Variants in SLIT3 observed in about 807,000 individuals in gnomAD.
SLIT3 encodes the protein slit guidance ligand 3, also known as slit homolog 3 protein.
SLIT3 carries 68 observed loss-of-function variants against 184.0 expected under a neutral mutation model. That is an observed-to-expected ratio of 0.37 (90% confidence interval 0.30 to 0.45). SLIT3 has a LOEUF of 0.45. SLIT3 is among the 20% of genes least tolerant of loss of function. The pLI, the probability that SLIT3 is intolerant of heterozygous loss-of-function variation, is 1.00. For synonymous variants in SLIT3, 831 were observed against 828.6 expected (o/e 1.00, Z -0.05); for missense variants, 1,707 against 2,026.0 (o/e 0.84, Z 3.02).
chr5:168,821,560 C>T (rs1432122503), intron 7 of SLIT3, among the ~76,000 whole-genome samples: 1 of 152,140 alleles, frequency 6.6e-6, no homozygotes, highest in East Asian at 1.9e-4. Context: ...ACTGCACTAC[C>T]CTATTTTAAG....
intron 5 of SLIT3, among the ~76,000 whole-genome samples, chr5:168,865,414 A>G (rs1470115846): frequency 6.6e-6 from 1 of 152,234 alleles, no homozygotes; most frequent in African/African-American, 2.4e-5. Flanking sequence ...AGTAACAAAG[A>G]ACACATTACT....
At chr5:169,052,538 G>A (rs996433047) in intron 4 of SLIT3, among the ~76,000 whole-genome samples, 12 of 152,250 alleles carry the variant, frequency 7.9e-5, no homozygotes, top group African/African-American at 2.2e-4. Context: ...TAAAGGCAGC[G>A]AGGCCACGTA....
chr5:169,199,679 G>A (rs1763853414), intron 3 of SLIT3, among the ~76,000 whole-genome samples: 1 of 152,162 alleles, frequency 6.6e-6, no homozygotes, highest in South Asian at 2.1e-4. Context: ...TTAAGAACTT[G>A]CCCAAAGTCA....
chr5:168,856,811 G>A (rs557277440), intron 5 of SLIT3, among the ~76,000 whole-genome samples: 1,566 of 151,404 alleles, frequency 0.01, 29 homozygotes, highest in African/African-American at 0.035. Flanking sequence ...GTGTGTGCGC[G>A]CGCGCGCACG....
chr5:169,167,162 C>T (rs1561710003), intron 4 of SLIT3, among the ~76,000 whole-genome samples: 1 of 150,090 alleles, frequency 6.7e-6, no homozygotes, highest in East Asian at 2.0e-4. Context: ...AGAGTGAGAC[C>T]CTGTCTCTTA....
intron 4 of SLIT3, among the ~76,000 whole-genome samples, chr5:169,170,269 T>C (rs376007184): frequency 1.1e-3 from 163 of 152,264 alleles, no homozygotes; most frequent in African/African-American, 3.8e-3. Flanking sequence ...GACCATGATG[T>C]TGGTCCCATC....
chr5:169,290,228 C>CGCT (rs1393463712), intron 1 of SLIT3, among the ~76,000 whole-genome samples: 1 of 150,662 alleles, frequency 6.6e-6, no homozygotes, highest in Non-Finnish European at 1.5e-5. Flanking sequence ...CTAGGGTGCG[C>CGCT]ACTAGGGCAC....
intron 4 of SLIT3, among the ~76,000 whole-genome samples, chr5:169,085,524 T>C (rs1451975974): frequency 6.6e-6 from 1 of 152,218 alleles, no homozygotes; most frequent in Non-Finnish European, 1.5e-5. Flanking sequence ...AAGGGACTTT[T>C]AATTGTCCAG....
intron 4 of SLIT3, among the ~76,000 whole-genome samples, chr5:168,893,356 G>T (rs1239418581): frequency 1.3e-5 from 2 of 152,118 alleles, no homozygotes; most frequent in African/African-American, 4.8e-5. Context: ...CTGACATACT[G>T]GTCCCCACCC....
At chr5:169,278,481 T>C (rs1198270286) in intron 1 of SLIT3, among the ~76,000 whole-genome samples, 2 of 152,110 alleles carry the variant, frequency 1.3e-5, no homozygotes, top group Non-Finnish European at 2.9e-5. Context: ...ATCCTATTCT[T>C]CTGAGCACTA....
At chr5:169,125,091 A>C (rs1761031641) in intron 4 of SLIT3, among the ~76,000 whole-genome samples, 1 of 151,820 alleles carries the variant, frequency 6.6e-6, no homozygotes, top group African/African-American at 2.4e-5. Context: ...CTCTGTCGCC[A>C]GGCTACAGTG....
intron 3 of SLIT3, 105 bp from the exon 4 acceptor site, chr5:169,193,655 G>A (rs543641481): frequency 1.6e-5 from 14 of 860,122 alleles, no homozygotes; most frequent in Non-Finnish European, 2.8e-5. Context: ...TAGGCATTAA[G>A]AGACTCTCTA....
intron 3 of SLIT3, among the ~76,000 whole-genome samples, chr5:169,240,044 G>A (rs1765341216): frequency 6.6e-6 from 1 of 151,922 alleles, no homozygotes; most frequent in Non-Finnish European, 1.5e-5. Flanking sequence ...GTATTTAGAG[G>A]TATATTACTG....
chr5:168,887,897 A>G (rs1390393021), intron 4 of SLIT3, among the ~76,000 whole-genome samples: 1 of 152,172 alleles, frequency 6.6e-6, no homozygotes, highest in Non-Finnish European at 1.5e-5. Context: ...CTTCAACTCT[A>G]CAAAGAATAA....
At position 168,725,303 on chromosome 5, in the gene SLIT3, C is replaced by G. The variant is rs544423304; in HGVS notation, c.2271-819G>C. Among the ~76,000 whole-genome samples the G allele has an allele frequency of 2.0e-5, 3 of 152,146 alleles. No homozygotes were observed. In the South Asian group the frequency reaches 6.2e-4, roughly 31 times the overall value. On this transcript the variant is annotated intron_variant, in intron 20 of 35. Coordinates refer to ENST00000519560, the MANE Select transcript of SLIT3 (RefSeq NM_003062.4). ...ACTCAAGTGTGGCTTAAGATAAGAA[C>G]GTCTCATTGTAATTATGTAATCATG...
intron 3 of SLIT3, among the ~76,000 whole-genome samples, chr5:169,211,100 C>T (rs1764251461): frequency 6.6e-6 from 1 of 152,090 alleles, no homozygotes; most frequent in Non-Finnish European, 1.5e-5. Flanking sequence ...ATTCCTGAAC[C>T]CAAATCACAG....
intron 4 of SLIT3, among the ~76,000 whole-genome samples, chr5:169,100,151 C>T (rs967070326): frequency 1.3e-5 from 2 of 152,128 alleles, no homozygotes; most frequent in Admixed American, 6.5e-5. Flanking sequence ...TAGGTTCAAG[C>T]CTGCAGCAGA....
intron 3 of SLIT3, among the ~76,000 whole-genome samples, chr5:169,196,281 T>C (rs1443043822): frequency 6.6e-6 from 1 of 152,176 alleles, no homozygotes; most frequent in Non-Finnish European, 1.5e-5. Flanking sequence ...TGGAGAAGGC[T>C]TGATGTGATG....
At chr5:168,907,979 T>TATATATATATATAGAG (rs376418381) in intron 4 of SLIT3, among the ~76,000 whole-genome samples, 2 of 50,088 alleles carry the variant, frequency 4.0e-5, no homozygotes, top group African/African-American at 2.5e-4. Context: ...TATATATATA[T>TATATATATATATAGAG]AGAGAGAGAG....
Sources: gnomAD v4.1 joint callset for allele counts (sites outside exome capture counted in the v4.1 genomes callset) on GRCh38, gnomAD v4.1.1 for gene constraint, MANE v1.5 for transcripts, NCBI Gene and HGNC (gene_info 2026-07-23, HGNC 2026-07-21) for gene names.